Variants in HSPA12A observed in about 807,000 individuals in gnomAD.
The protein encoded by HSPA12A is heat shock protein family A (Hsp70) member 12A, also known as heat shock 70 kDa protein 12A.
A neutral mutation model predicts 69.2 loss-of-function variants in HSPA12A; 28 were observed. The observed-to-expected ratio is 0.40, with a 90% CI of 0.30 to 0.55. HSPA12A has a LOEUF of 0.55. Ranked by LOEUF, HSPA12A falls within the 20% of genes least tolerant of loss-of-function variation. HSPA12A has a pLI of 0.38. For missense variants in HSPA12A, 686 were observed against 900.7 expected (o/e 0.76, Z 3.05); for synonymous variants, 345 against 370.5 (o/e 0.93, Z 0.79).
Position 116,818,573 on chromosome 10 carries a change from C to G in HSPA12A, c.91+16362G>C, listed in dbSNP as rs1845351192. 1.3e-5 allele frequency among the ~76,000 whole-genome samples: 2 copies of G among 152,150 alleles called. 1 individual carries two copies. Among genetic ancestry groups the G allele is most frequent in the Admixed American group, 1.3e-4 (2 of 15,282 alleles). On this transcript the variant is annotated intron_variant, in intron 2 of 12. Transcript: ENST00000635765. Reference sequence around the variant, plus strand: ...TGGTTCTTTTCCCTGCTCTGCTCAGCTGCTTGATGCAAACTGTAATGGCAG... The same window carrying G: ...TGGTTCTTTTCCCTGCTCTGCTCAGGTGCTTGATGCAAACTGTAATGGCAG...
At chr10:116,730,918 CATGGT>C (rs1851131211) in intron 1 of HSPA12A, among the ~76,000 whole-genome samples, 2 of 152,382 alleles carry the variant, frequency 1.3e-5, no homozygotes, top group Admixed American at 6.5e-5. Context: ...CCAGGTCCAA[CATGGT>C]TCCCACCCTC....
intron 2 of HSPA12A, among the ~76,000 whole-genome samples, chr10:116,817,258 A>G (rs1490306069): frequency 2.0e-5 from 3 of 151,908 alleles, no homozygotes; most frequent in Non-Finnish European, 4.4e-5. Context: ...CGCTCTCTAG[A>G]AGTTTCTGAG....
At chr10:116,742,245 G>C (rs890178651) in intron 1 of HSPA12A, among the ~76,000 whole-genome samples, 185 bp downstream of exon 1, 1 of 151,818 alleles carries the variant, frequency 6.6e-6, no homozygotes, top group Non-Finnish European at 1.5e-5. Context: ...GCCGTCTCCG[G>C]TCCACCGGAC....
chr10:116,781,865 T>C (rs2133136583), intron 2 of HSPA12A, among the ~76,000 whole-genome samples: 1 of 152,240 alleles, frequency 6.6e-6, no homozygotes, highest in African/African-American at 2.4e-5. Context: ...TCTTCAAACA[T>C]GCAAACAGTA....
intron 1 of HSPA12A, among the ~76,000 whole-genome samples, chr10:116,839,628 A>G (rs1845773246): frequency 6.7e-6 from 1 of 149,080 alleles, no homozygotes; most frequent in African/African-American, 2.6e-5. Flanking sequence ...AAAAAAAAAA[A>G]AACCTAAAAT....
At chr10:116,725,455 C>T (rs1589663284) in intron 1 of HSPA12A, among the ~76,000 whole-genome samples, 1 of 152,142 alleles carries the variant, frequency 6.6e-6, no homozygotes, top group Non-Finnish European at 1.5e-5. Flanking sequence ...TGGCAGTGTG[C>T]AAGGGAGGAC....
Position 116,683,811 on chromosome 10 carries a change from A to T in HSPA12A, c.815T>A (p.Val272Glu). The T allele has an allele frequency of 1.3e-6, 2 of 1,567,960 alleles. No homozygotes were observed. The highest frequency in any genetic ancestry group is 1.7e-6 in the Non-Finnish European group (2 of 1,144,598). The part of the protein sequence containing the change: ...AVNGYSGSDT[V>E]GAGFTQAKEH... ...GGTACCCTGTGTAAACCCAGCTCCT[A>T]CTGTGTCACTGCCGCTGTACCCATT... is the stretch of plus-strand genomic sequence containing the variant. The change falls in exon 7 of 12, where the codon GTA becomes GAA. Residue 272 changes from valine to glutamate, a missense_variant. By Grantham distance (121) the Val-to-Glu change is moderately radical. Transcript: ENST00000369209.
intron 1 of HSPA12A, among the ~76,000 whole-genome samples, chr10:116,845,327 G>T (rs1199814458): frequency 1.3e-5 from 2 of 152,158 alleles, no homozygotes; most frequent in Non-Finnish European, 2.9e-5. Flanking sequence ...TATTCGAAAA[G>T]CTTAGGCAAC....
At chr10:116,761,484 T>A (rs1259274686) in intron 2 of HSPA12A, among the ~76,000 whole-genome samples, 3 of 140,716 alleles carry the variant, frequency 2.1e-5, no homozygotes, top group Non-Finnish European at 4.6e-5. Context: ...AGAGACTCCA[T>A]CTCAAAAAAA....
chr10:116,843,188 A>T (rs1162098237), intron 1 of HSPA12A, among the ~76,000 whole-genome samples: 1 of 152,252 alleles, frequency 6.6e-6, no homozygotes, highest in Non-Finnish European at 1.5e-5. Context: ...GTGGGAAGCA[A>T]GAGTGAAACA....
At chr10:116,838,560 T>C (rs1167259719) in intron 1 of HSPA12A, among the ~76,000 whole-genome samples, 3 of 152,202 alleles carry the variant, frequency 2.0e-5, no homozygotes, top group Non-Finnish European at 4.4e-5. Context: ...TTATTTGTAC[T>C]TGATGCAAGA....
chr10:116,742,772 TCTCCTCTCCCGGCTTCGGGAC>T (rs1851559150), upstream of HSPA12A, among the ~76,000 whole-genome samples: 1 of 151,690 alleles, frequency 6.6e-6, no homozygotes, highest in Non-Finnish European at 1.5e-5. Context: ...AGGCCCGGCC[TCTCCTCTCCCGGCTTCGGGAC>T]CGAGCGGTCG....
chr10:116,698,594 C>T (rs1263826031), intron 5 of HSPA12A, 41 bp downstream of exon 5: 35 of 1,524,602 alleles, frequency 2.3e-5, no homozygotes, highest in Admixed American at 3.4e-5. Flanking sequence ...CGGGTGCCAC[C>T]GCCTAGCACA....
intron 1 of HSPA12A, among the ~76,000 whole-genome samples, chr10:116,740,179 AAAC>A (rs1554886860): frequency 2.6e-5 from 4 of 152,198 alleles, no homozygotes; most frequent in African/African-American, 9.7e-5. Context: ...CCTGGGTCCC[AAAC>A]AACACTTCCC....
chr10:116,694,497 A>C (rs1261151200), intron 5 of HSPA12A, among the ~76,000 whole-genome samples: 5 of 152,200 alleles, frequency 3.3e-5, no homozygotes, highest in East Asian at 1.9e-4. Context: ...TTCACAAACA[A>C]CCACCCACAT....
chr10:116,731,435 G>T (rs1851150246), intron 1 of HSPA12A, among the ~76,000 whole-genome samples: 1 of 152,110 alleles, frequency 6.6e-6, no homozygotes, highest in Non-Finnish European at 1.5e-5. Flanking sequence ...GATGACCACG[G>T]TCCCTTCAAA....
At position 116,675,192 on chromosome 10, in the gene HSPA12A, T is replaced by C; in HGVS notation, c.1617A>G (p.Val539=). 1 of 1,613,736 alleles carries C rather than the reference T, an allele frequency of 6.2e-7. No homozygotes were observed. Among genetic ancestry groups the C allele is most frequent in the Non-Finnish European group, 8.5e-7 (1 of 1,180,008 alleles). ...KVRRSPLTYG[V]GVLNRYVEGK... is the part of the protein sequence containing the mutation. ...CCTCCACGTAGCGGTTCAGCACGCCTACCCCGTAGGTGAGCGGCGACCGGC... is the reference window on the plus strand; with the variant it reads ...CCTCCACGTAGCGGTTCAGCACGCCCACCCCGTAGGTGAGCGGCGACCGGC... Residue 539 remains valine, a synonymous_variant, in exon 12 of 12, where the codon GTA becomes GTG. Coordinates refer to ENST00000369209, the MANE Select transcript of HSPA12A (RefSeq NM_025015.3). This position sits in a 1 kb window ranked among gnomAD's most constrained non-coding sequence, Gnocchi z 5.2.
chr10:116,765,551 T>C (rs1035527229), intron 2 of HSPA12A, among the ~76,000 whole-genome samples: 2 of 152,130 alleles, frequency 1.3e-5, no homozygotes, highest in Non-Finnish European at 2.9e-5. Context: ...ATATTAAAAA[T>C]AAAAGATATT....
At chr10:116,793,198 A>G (rs1844737304) in intron 2 of HSPA12A, among the ~76,000 whole-genome samples, 1 of 152,268 alleles carries the variant, frequency 6.6e-6, no homozygotes, top group Non-Finnish European at 1.5e-5. Context: ...TTAAAGATCT[A>G]AAATGCAAAA....
Sources: allele counts gnomAD v4.1 joint callset (sites outside exome capture counted in the v4.1 genomes callset), GRCh38; gene constraint gnomAD v4.1.1; non-coding constraint Gnocchi (gnomAD v3.1); transcripts MANE v1.5; gene names NCBI Gene and HGNC (gene_info 2026-07-23, HGNC 2026-07-21).